Variants in KLF8 observed in about 807,000 individuals in gnomAD.
KLF8 encodes Krueppel-like factor 8.
KLF8 carries 10 observed loss-of-function variants against 18.2 expected under a neutral mutation model. The observed-to-expected ratio is 0.55, with a 90% CI of 0.34 to 0.93. The LOEUF is 0.93. Ranked by LOEUF, KLF8 falls within the 40% of genes least tolerant of loss-of-function variation. The pLI is 0.02. For synonymous variants in KLF8, 109 were observed against 97.3 expected, an observed-to-expected ratio of 1.12 and a Z score of -0.71; for missense variants, 264 against 277.9, an observed-to-expected ratio of 0.95 and a Z score of 0.36.
chrX:56,214,309 C>G, the KLF8 span, among the ~76,000 whole-genome samples: 1 of 112,004 alleles, frequency 8.9e-6, no homozygotes, highest in Non-Finnish European at 1.9e-5. Flanking sequence ...GCTTTTTCTG[C>G]CTAGAATTTC....
the KLF8 span, among the ~76,000 whole-genome samples, chrX:55,992,371 C>T: frequency 8.9e-6 from 1 of 112,215 alleles, no homozygotes; most frequent in East Asian, 2.8e-4. Flanking sequence ...TTTTCCATTG[C>T]TTCTTGTTTT....
chrX:56,271,659 A>G (rs1311297402), intron 5 of KLF8, among the ~76,000 whole-genome samples: 2 of 111,671 alleles, frequency 1.8e-5, no homozygotes, highest in Non-Finnish European at 3.8e-5. Flanking sequence ...CCATGACACT[A>G]TTATTATTTA....
At chrX:56,054,158 GTCTC>G in the KLF8 span, among the ~76,000 whole-genome samples, 1 of 110,297 alleles carries the variant, frequency 9.1e-6, no homozygotes, top group African/African-American at 3.3e-5. Context: ...TTGACACGGA[GTCTC>G]TCTCTGTCGC....
At chrX:55,939,065 AATAT>A in the KLF8 span, among the ~76,000 whole-genome samples, 1 of 112,075 alleles carries the variant, frequency 8.9e-6, no homozygotes, top group Non-Finnish European at 1.9e-5. Context: ...AAATCAGCAG[AATAT>A]ACATTCTTTT....
chrX:56,039,551 C>A, the KLF8 span, among the ~76,000 whole-genome samples: 5 of 111,383 alleles, frequency 4.5e-5, no homozygotes, highest in East Asian at 8.4e-4. Flanking sequence ...AGTATCTATT[C>A]TATTCCAGAG....
chrX:56,233,469 G>T, intron 1 of KLF8, 128 bp downstream of exon 1: 1 of 529,318 alleles, frequency 1.9e-6, no homozygotes. Flanking sequence ...GGGAGCGGAA[G>T]GTTAAGAACA....
At chrX:56,114,828 A>C in the KLF8 span, among the ~76,000 whole-genome samples, 1 of 112,589 alleles carries the variant, frequency 8.9e-6, no homozygotes, top group Non-Finnish European at 1.9e-5. Flanking sequence ...TACAGATCAA[A>C]GGTAGCATAA....
At chrX:55,980,276 C>G in the KLF8 span, among the ~76,000 whole-genome samples, 1 of 112,017 alleles carries the variant, frequency 8.9e-6, no homozygotes, top group African/African-American at 3.2e-5. Flanking sequence ...TTACTGAGTG[C>G]TTGTTGTGAG....
chrX:56,050,419 C>T, the KLF8 span, among the ~76,000 whole-genome samples: 2 of 112,010 alleles, frequency 1.8e-5, no homozygotes, highest in South Asian at 7.4e-4. Flanking sequence ...CTATAAATTT[C>T]CCTCTACACA....
chrX:56,075,044 A>G, the KLF8 span, among the ~76,000 whole-genome samples: 2 of 110,891 alleles, frequency 1.8e-5, no homozygotes, highest in East Asian at 5.6e-4. Context: ...TATAATAATC[A>G]CATCATGGAA....
At chrX:56,058,192 A>G in the KLF8 span, among the ~76,000 whole-genome samples, 238 of 82,166 alleles carry the variant, frequency 2.9e-3, 3 homozygotes, top group African/African-American at 0.013. Flanking sequence ...ATATATATAT[A>G]CATATATATA....
chrX:56,013,622 T>G, the KLF8 span, among the ~76,000 whole-genome samples: 1 of 110,430 alleles, frequency 9.1e-6, no homozygotes, highest in Non-Finnish European at 1.9e-5. Context: ...ATCATGGGGG[T>G]GATTTCCTTC....
the KLF8 span, among the ~76,000 whole-genome samples, chrX:56,061,440 G>T: frequency 1.8e-5 from 2 of 111,651 alleles, no homozygotes; most frequent in South Asian, 7.5e-4. Context: ...TCATTCAGGA[G>T]CAGGTTGTTC....
the KLF8 span, among the ~76,000 whole-genome samples, chrX:56,039,305 A>G: frequency 3.6e-5 from 4 of 111,493 alleles, no homozygotes; most frequent in Non-Finnish European, 5.7e-5. Context: ...CCTAAATGGT[A>G]TTGCCTAGAT....
chrX:56,248,355 G>A (rs1484365915), intron 1 of KLF8, among the ~76,000 whole-genome samples: 1 of 111,055 alleles, frequency 9.0e-6, no homozygotes, highest in African/African-American at 3.3e-5. Context: ...TGACTGAAAC[G>A]TCATTACATG....
the KLF8 span, among the ~76,000 whole-genome samples, chrX:56,194,420 C>A: frequency 8.9e-6 from 1 of 112,259 alleles, no homozygotes; most frequent in Non-Finnish European, 1.9e-5. Context: ...CTGTGCCTGG[C>A]TTGGCGAGTC....
the KLF8 span, among the ~76,000 whole-genome samples, chrX:55,987,860 CTGT>C: frequency 1.8e-5 from 2 of 111,570 alleles, no homozygotes; most frequent in African/African-American, 3.3e-5. Flanking sequence ...TCTCCAGCAC[CTGT>C]TGTTTCCTGA....
At chrX:56,045,454 C>A in the KLF8 span, among the ~76,000 whole-genome samples, 5 of 111,165 alleles carry the variant, frequency 4.5e-5, no homozygotes, top group Admixed American at 9.6e-5. Flanking sequence ...GGTATTTTTA[C>A]GGGAATTGCA....
chrX:56,086,808 A>G, the KLF8 span, among the ~76,000 whole-genome samples: 2 of 111,256 alleles, frequency 1.8e-5, no homozygotes, highest in African/African-American at 6.5e-5. Context: ...GTAATTAGCA[A>G]TGGTTTAATG....
Sources: gnomAD v4.1 joint callset for allele counts (sites outside exome capture counted in the v4.1 genomes callset) on GRCh38, gnomAD v4.1.1 for gene constraint, MANE v1.5 for transcripts, NCBI Gene and HGNC (gene_info 2026-07-23, HGNC 2026-07-21) for gene names.